RNF19B: variants seen among roughly 807,000 people sequenced by gnomAD.
RNF19B encodes E3 ubiquitin-protein ligase RNF19B.
In RNF19B, 23 loss-of-function variants were observed where a neutral mutation model predicts 65.5. The ratio of observed to expected loss-of-function variants is 0.35; its 90% CI spans 0.25 to 0.50. The LOEUF (loss-of-function observed/expected upper bound fraction) is 0.50, where lower values mean the gene tolerates loss of function less well. RNF19B is among the 20% of genes least tolerant of loss of function. The pLI is 0.98. For synonymous variants in RNF19B, 372 were observed against 379.6 expected, an observed-to-expected ratio of 0.98 and a Z score of 0.23; for missense variants, 794 against 980.0, an observed-to-expected ratio of 0.81 and a Z score of 2.53.
Position 32,964,297 on chromosome 1 carries a change from C to A in RNF19B, c.389G>T (p.Arg130Leu). ...CGGACAGCTGAGGAGGCGCGGGGCC[C>A]GCTCAGGCGGCAGCCGCACCAGGCA... ...PLCLVRLPPE[R>L]APRLLSCPHR... Residue 130 changes from arginine (R) to leucine (L), a missense_variant, in exon 1 of 9, where the codon CGG becomes CTG. Physicochemically the swap from Arg to Leu is moderately radical, Grantham distance 102. This residue lies in a region of RNF19B where 374 missense variants were observed against 423.8 expected (regional missense o/e 0.88). Coordinates refer to ENST00000235150, the MANE Select transcript of RNF19B (RefSeq NM_001300826.2). This position sits in a 1 kb window ranked among gnomAD's most constrained non-coding sequence, Gnocchi z 6.5. 1.3e-6 allele frequency: 2 copies of A among 1,520,582 alleles called. 1 individual carries two copies. The highest frequency in any genetic ancestry group is 2.4e-5 in the South Asian group (2 of 81,738). The allele number at this position is 1,520,582 out of a possible 1,614,324, so 94.2% of individuals were successfully genotyped here.
In RNF19B at chr1:32,964,704, A is replaced by T; in HGVS notation, c.-19T>A. Reference sequence around the variant, plus strand: ...AGCCCATGGCCGGCAGAGGCCGAGGAGCCAGGGGCGCCCAGCGCCGCCACA... The same window carrying T: ...AGCCCATGGCCGGCAGAGGCCGAGGTGCCAGGGGCGCCCAGCGCCGCCACA... On this transcript the variant is annotated 5_prime_UTR_variant, in exon 1 of 9. Transcript: ENST00000235150. The surrounding 1 kb of genome is among the most constrained non-coding windows in gnomAD (Gnocchi z 6.5). 2 of 1,428,062 alleles carry T rather than the reference A, an allele frequency of 1.4e-6. No homozygotes were observed. The highest frequency in any genetic ancestry group is 1.8e-6 in the Non-Finnish European group (2 of 1,096,232). The allele number at this position is 1,428,062 out of a possible 1,614,324, so 88.5% of individuals were successfully genotyped here.
chr1:32,955,455 C>T (rs1642613122), intron 1 of RNF19B, among the ~76,000 whole-genome samples: 2 of 151,722 alleles, frequency 1.3e-5, no homozygotes, highest in Admixed American at 6.6e-5. Flanking sequence ...CTCGCCTGGG[C>T]ATGGTGGATC....
At chr1:32,934,406 C>T (rs768234916), downstream of RNF19B, among the ~76,000 whole-genome samples, 11 of 152,066 alleles carry the variant, frequency 7.2e-5, no homozygotes, top group East Asian at 1.9e-4. Flanking sequence ...GAGGGCCGGG[C>T]GAGGTGGCTC....
At position 32,960,899 on chromosome 1, in the gene RNF19B, G is replaced by A. The variant is rs118025670; in HGVS notation, c.635+3152C>T. 7.4e-4 allele frequency among the ~76,000 whole-genome samples: 112 copies of A among 152,168 alleles called. 2 individuals carry two copies. In the East Asian group the frequency reaches 0.02, roughly 28 times the overall value. On this transcript the variant is annotated intron_variant, in intron 1 of 8. Transcript: ENST00000235150. ...TTGGTGGCATGCACCCGTGTTCCCA[G>A]CTACTTGAGATGCTGAGGCAGGAGG...
At chr1:32,945,491 A>G in intron 5 of RNF19B, 23 bp downstream of exon 5, 1 of 1,411,704 alleles carries the variant, frequency 7.1e-7, no homozygotes, top group Non-Finnish European at 1.0e-6. Flanking sequence ...GAGAGAGAAG[A>G]GGTGTGGTCC....
chr1:32,934,751 C>G (rs1642069519), downstream of RNF19B, among the ~76,000 whole-genome samples: 1 of 152,194 alleles, frequency 6.6e-6, no homozygotes. Flanking sequence ...AAGTAAGTCA[C>G]TCTAAGATTT....
Position 32,938,407 on chromosome 1 carries a change from G to T in RNF19B, c.1732C>A (p.Pro578Thr), listed in dbSNP as rs1188144684. The T allele has an allele frequency of 6.2e-7, 1 of 1,614,006 alleles. No individual in the cohort carries two copies. The highest frequency in any genetic ancestry group is 8.5e-7 in the Non-Finnish European group (1 of 1,180,022). ...MAGSIISSYN[P>T]QDRECNNMEI... The stretch of plus-strand genomic sequence containing the variant: ...TGACTGTTCACATACCTGTCCTGTG[G>T]GTTGTAGGAACTGATTATGGAACCG... Residue 578 changes from proline (P) to threonine (T), a missense_variant, in exon 8 of 9, where the codon CCA (proline) becomes ACA (threonine). By Grantham distance (38) the Pro-to-Thr change is conservative. Coordinates refer to ENST00000235150, the MANE Select transcript of RNF19B (RefSeq NM_001300826.2).
At chr1:32,952,452 A>AC (rs1553145516) in intron 1 of RNF19B, among the ~76,000 whole-genome samples, 4 of 149,336 alleles carry the variant, frequency 2.7e-5, no homozygotes, top group African/African-American at 9.9e-5. Context: ...AAAAAAAAAA[A>AC]AAAAAAACAG....
At chr1:32,943,822 A>C (rs1000452805) in intron 6 of RNF19B, among the ~76,000 whole-genome samples, 197 bp downstream of exon 6, 2 of 152,196 alleles carry the variant, frequency 1.3e-5, no homozygotes, top group African/African-American at 2.4e-5. Context: ...TGTACCTGCC[A>C]CACAGAGGCA....
intron 7 of RNF19B, among the ~76,000 whole-genome samples, chr1:32,939,526 G>C (rs1430839553): frequency 6.6e-6 from 1 of 152,154 alleles, no homozygotes; most frequent in Admixed American, 6.5e-5. Context: ...CACAAAAGGA[G>C]AGACCACAAC....
chr1:32,942,461 T>C lies in RNF19B; in HGVS notation c.1403-2A>G, dbSNP rs750526811. 6.2e-7 allele frequency: 1 copy of C among 1,613,442 alleles called. No individual in the cohort carries two copies. The highest frequency in any genetic ancestry group is 8.5e-7 in the Non-Finnish European group (1 of 1,179,394). On this transcript the variant is annotated splice_acceptor_variant, in intron 6 of 8. Coordinates refer to ENST00000235150, the MANE Select transcript of RNF19B (RefSeq NM_001300826.2). LOFTEE classifies it high-confidence loss of function. Reference sequence around the variant, plus strand: ...TGAGGGCTCTCCAGGCATCTGCCACTGGGGATAGAACCAAACATCCAATTC... The same window carrying C: ...TGAGGGCTCTCCAGGCATCTGCCACCGGGGATAGAACCAAACATCCAATTC...
intron 1 of RNF19B, among the ~76,000 whole-genome samples, chr1:32,951,250 T>C (rs1394229695): frequency 2.0e-5 from 3 of 152,256 alleles, no homozygotes; most frequent in Non-Finnish European, 2.9e-5. Flanking sequence ...TCCAGGTTTG[T>C]GCAGGTTACT....
At chr1:32,937,295 T>C (rs200499623) in intron 8 of RNF19B, 36 bp from the exon 9 acceptor site, 1 of 1,611,820 alleles carries the variant, frequency 6.2e-7, no homozygotes, top group African/African-American at 1.3e-5. Context: ...GAGTCATGCA[T>C]GGATCATGCT....
intron 2 of RNF19B, 40 bp from the exon 3 acceptor site, chr1:32,948,403 C>T: frequency 1.3e-6 from 2 of 1,598,766 alleles, no homozygotes; most frequent in Non-Finnish European, 1.7e-6. Context: ...AAAAATACCC[C>T]TAGTTAAATC....
chr1:32,932,642 C>T (rs1228683784), downstream of RNF19B, among the ~76,000 whole-genome samples: 1 of 152,226 alleles, frequency 6.6e-6, no homozygotes, highest in Non-Finnish European at 1.5e-5. Flanking sequence ...ACATGCCCCT[C>T]CCAGTTTCAA....
At chr1:32,945,678 T>G in intron 4 of RNF19B, 50 bp from the exon 5 acceptor site, 1 of 1,097,242 alleles carries the variant, frequency 9.1e-7, no homozygotes. Flanking sequence ...ACATCAATCT[T>G]TTGCCAGAGA....
At chr1:32,955,092 AC>A (rs1297848735) in intron 1 of RNF19B, among the ~76,000 whole-genome samples, 1 of 152,000 alleles carries the variant, frequency 6.6e-6, no homozygotes, top group African/African-American at 2.4e-5. Flanking sequence ...TTATAATGTA[AC>A]TAACTGTTTA....
At chr1:32,939,334 C>T (rs758106831) in intron 7 of RNF19B, among the ~76,000 whole-genome samples, 2 of 152,206 alleles carry the variant, frequency 1.3e-5, no homozygotes, top group Non-Finnish European at 2.9e-5. Flanking sequence ...ATTATGGGTT[C>T]CCACCACCAC....
In RNF19B at chr1:32,964,539, C is replaced by T. The variant is rs886834013; in HGVS notation, c.147G>A (p.Arg49=). The change falls in exon 1 of 9, where the codon CGG becomes CGA. Residue 49 remains arginine (R), a synonymous_variant. Coordinates refer to ENST00000235150, the MANE Select transcript of RNF19B (RefSeq NM_001300826.2). This position sits in a 1 kb window ranked among gnomAD's most constrained non-coding sequence, Gnocchi z 6.5. The part of the protein sequence containing the change: ...FSASARGRRA[R]AKPQAEPPPP... ...GCGGCGGCTCGGCCTGCGGCTTGGC[C>T]CGGGCGCGGCGGCCGCGGGCCGAGG... 1.7e-6 allele frequency: 2 copies of T among 1,183,054 alleles called. No homozygotes were observed. The highest frequency in any genetic ancestry group is 2.1e-6 in the Non-Finnish European group (2 of 950,298). 73.3% of individuals were successfully genotyped at this position (1,183,054 alleles called of 1,614,324 possible).
Sources: gnomAD v4.1 joint callset for allele counts (sites outside exome capture counted in the v4.1 genomes callset) on GRCh38, gnomAD v4.1.1 for gene constraint, gnomAD v4.1.1 regional missense constraint, Gnocchi (gnomAD v3.1) non-coding constraint, MANE v1.5 for transcripts, NCBI Gene and HGNC (gene_info 2026-07-23, HGNC 2026-07-21) for gene names.